The following WRN variants were observed in gnomAD, a reference collection of about 807,000 sequenced individuals.
WRN encodes WRN RecQ like helicase, also known as bifunctional 3'-5' exonuclease/ATP-dependent helicase WRN.
WRN carries 149 observed loss-of-function variants against 180.7 expected under a neutral mutation model. The ratio of observed to expected loss-of-function variants is 0.82; its 90% CI spans 0.72 to 0.94. The LOEUF is 0.94. Among genes scored for constraint, WRN ranks in the 40% least tolerant of loss-of-function variants. The pLI is 0.00. For missense variants in WRN, 1,661 were observed against 1,700.1 expected (o/e 0.98, Z 0.40); for synonymous variants, 548 against 568.9 (o/e 0.96, Z 0.52).
At chr8:31,141,827 A>T (rs1261086781) in intron 26 of WRN, 52 bp downstream of exon 26, 1 of 1,542,990 alleles carries the variant, frequency 6.5e-7, no homozygotes, top group Admixed American at 1.7e-5. Flanking sequence ...GTTGCTATTT[A>T]TGTGATTCAA....
At chr8:31,063,895 T>A (rs1812590651) in intron 3 of WRN, among the ~76,000 whole-genome samples, 1 of 152,032 alleles carries the variant, frequency 6.6e-6, no homozygotes, top group Non-Finnish European at 1.5e-5. Flanking sequence ...AGCTAATTTT[T>A]AATTTTTTTT....
chr8:31,143,503 A>T (rs1197074910), intron 27 of WRN, 47 bp from the exon 28 acceptor site: 1 of 1,323,650 alleles, frequency 7.6e-7, no homozygotes, highest in Admixed American at 2.0e-5. Context: ...CACATTTAAA[A>T]GTTTTTTGAA....
chr8:31,055,133 G>T (rs1334938889), intron 1 of WRN, among the ~76,000 whole-genome samples: 4 of 152,160 alleles, frequency 2.6e-5, no homozygotes, highest in African/African-American at 4.8e-5. Context: ...TGGGCATTTG[G>T]TTTTTTTCCA....
chr8:31,058,022 T>G (rs908427477), intron 1 of WRN, among the ~76,000 whole-genome samples: 33 of 152,324 alleles, frequency 2.2e-4, no homozygotes, highest in African/African-American at 7.7e-4. Context: ...CTGAATTTAC[T>G]TAGATCTTAA....
chr8:31,115,590 A>G (rs1801486992), intron 19 of WRN, among the ~76,000 whole-genome samples: 1 of 152,218 alleles, frequency 6.6e-6, no homozygotes, highest in African/African-American at 2.4e-5. Context: ...AATTGGATCA[A>G]AAGTTATATG....
At chr8:31,059,675 C>T (rs1812412274) in intron 3 of WRN, among the ~76,000 whole-genome samples, 1 of 152,076 alleles carries the variant, frequency 6.6e-6, no homozygotes, top group African/African-American at 2.4e-5. Flanking sequence ...AAAATATCAA[C>T]ATAGTAATAT....
chr8:31,050,395 G>T (rs542379284), intron 1 of WRN, among the ~76,000 whole-genome samples: 1 of 151,952 alleles, frequency 6.6e-6, no homozygotes. Context: ...GTAAATGACC[G>T]TCAAATAAAG....
intron 33 of WRN, among the ~76,000 whole-genome samples, chr8:31,158,437 C>T (rs939764660): frequency 1.3e-5 from 2 of 151,388 alleles, no homozygotes; most frequent in Non-Finnish European, 2.9e-5. Flanking sequence ...ATAGGAGATA[C>T]GTTAGAGGAT....
chr8:31,123,933 A>G (rs904774458), intron 21 of WRN, among the ~76,000 whole-genome samples: 94 of 152,230 alleles, frequency 6.2e-4, no homozygotes, highest in African/African-American at 2.1e-3. Context: ...GATATGGCAA[A>G]CAAATCAGTT....
chr8:31,045,490 C>T (rs1811826116), intron 1 of WRN, among the ~76,000 whole-genome samples: 1 of 151,858 alleles, frequency 6.6e-6, no homozygotes, highest in South Asian at 2.1e-4. Context: ...GCAACCTCCG[C>T]CTCCCAGGTT....
intron 1 of WRN, 123 bp from the exon 2 acceptor site, chr8:31,058,249 C>T (rs1812351210): frequency 5.4e-6 from 3 of 550,736 alleles, no homozygotes; most frequent in African/African-American, 1.9e-5. Context: ...TTAGATGCAG[C>T]ATATTGTATC....
Position 31,065,035 on chromosome 8 carries a change from T to C in WRN, c.476T>C (p.Val159Ala). The C allele has an allele frequency of 6.2e-7, 1 of 1,613,596 alleles. No homozygotes were observed. The highest frequency in any genetic ancestry group is 1.3e-5 in the African/African-American group (1 of 75,042). ...TTTGATATCAAATTGAAGAATTTTG[T>C]GGAGTTGACAGATGTTGCCAATAAA... ...RDFDIKLKNF[V>A]ELTDVANKKL... The change falls in exon 5 of 35, where the codon GTG becomes GCG. Residue 159 changes from valine (V) to alanine (A), a missense_variant. Coordinates refer to ENST00000298139, the MANE Select transcript of WRN (RefSeq NM_000553.6).
chr8:31,048,574 G>GT (rs1263285544), intron 1 of WRN, among the ~76,000 whole-genome samples: 4 of 152,104 alleles, frequency 2.6e-5, no homozygotes, highest in Admixed American at 6.5e-5. Context: ...TAGTATATAC[G>GT]TAAGTATAAA....
chr8:31,080,911 T>C lies in WRN; in HGVS notation c.884T>C (p.Leu295Pro), dbSNP rs767270343. 1.2e-6 allele frequency: 2 copies of C among 1,612,510 alleles called. No homozygotes were observed. Among genetic ancestry groups the C allele is most frequent in the Admixed American group, 1.7e-5 (1 of 59,764 alleles). ...LKDISENLYS[L>P]RRMIIGSTNI... ...GATATTTCAGAAAATCTATATTCAC[T>C]GAGGAGGATGATAATTGGGTCTACT... The change falls in exon 9 of 35, where the codon CTG becomes CCG. Residue 295 changes from leucine to proline, a missense_variant. Transcript: ENST00000298139.
At chr8:31,077,078 C>T (rs757218651) in intron 8 of WRN, among the ~76,000 whole-genome samples, 4 of 152,152 alleles carry the variant, frequency 2.6e-5, no homozygotes, top group South Asian at 4.1e-4. Context: ...AATTCTGACT[C>T]GAAAAAGTGC....
chr8:31,116,677 A>G (rs1801535641), intron 20 of WRN, 149 bp downstream of exon 20: 1 of 1,092,868 alleles, frequency 9.2e-7, no homozygotes, highest in Non-Finnish European at 1.3e-6. Context: ...AAACTTGCAG[A>G]TTAGTATAAA....
intron 24 of WRN, among the ~76,000 whole-genome samples, chr8:31,139,189 A>G (rs1802511839): frequency 6.6e-6 from 1 of 152,192 alleles, no homozygotes; most frequent in Non-Finnish European, 1.5e-5. Context: ...TTACGTTTGT[A>G]ATAGAGAGCC....
chr8:31,148,976 T>G (rs929488755), intron 30 of WRN, among the ~76,000 whole-genome samples: 2 of 152,246 alleles, frequency 1.3e-5, no homozygotes, highest in African/African-American at 4.8e-5. Context: ...GTAATTGTAT[T>G]TGTCTTTTAC....
At chr8:31,052,521 G>A (rs1325416909) in intron 1 of WRN, among the ~76,000 whole-genome samples, 1 of 151,962 alleles carries the variant, frequency 6.6e-6, no homozygotes, top group African/African-American at 2.4e-5. Flanking sequence ...TTGAGTAACT[G>A]GGATTACAGG....
Sources: gnomAD v4.1 joint callset for allele counts (sites outside exome capture counted in the v4.1 genomes callset) on GRCh38, gnomAD v4.1.1 for gene constraint, MANE v1.5 for transcripts, NCBI Gene and HGNC (gene_info 2026-07-23, HGNC 2026-07-21) for gene names.